FNDC3B: variants seen among roughly 807,000 people sequenced by gnomAD.
The protein encoded by FNDC3B is fibronectin type III domain-containing protein 3B.
Under a neutral mutation model 151.5 loss-of-function variants are expected in FNDC3B, and 12 were observed. The observed-to-expected ratio is 0.08, with a 90% CI of 0.05 to 0.13. FNDC3B has a LOEUF of 0.13. FNDC3B is among the 10% of genes least tolerant of loss of function. The probability of loss-of-function intolerance (pLI) is 1.00; values close to 1 mark genes in which losing one functional copy is unlikely to be tolerated. For synonymous variants in FNDC3B, 528 were observed against 549.0 expected (o/e 0.96, Z 0.54); for missense variants, 1,214 against 1,505.3 (o/e 0.81, Z 3.20).
At chr3:172,060,033 T>A (rs888936841) in intron 1 of FNDC3B, among the ~76,000 whole-genome samples, 10 of 152,236 alleles carry the variant, frequency 6.6e-5, no homozygotes, top group Non-Finnish European at 4.4e-5. Context: ...TTTAGCCAGG[T>A]AGTCACTTCC....
intron 8 of FNDC3B, among the ~76,000 whole-genome samples, chr3:172,297,721 T>A (rs573043234): frequency 1.1e-4 from 16 of 152,044 alleles, no homozygotes; most frequent in South Asian, 6.2e-4. Flanking sequence ...TGATCCGCCC[T>A]CCTTGGCCTC....
Position 172,361,887 on chromosome 3 carries a change from G to T in FNDC3B, c.2796-746G>T, listed in dbSNP as rs530480403. Among the ~76,000 whole-genome samples, 224 of 152,244 alleles carry T rather than the reference G, an allele frequency of 1.5e-3. 1 individual carries two copies. The highest frequency in any genetic ancestry group is 2.7e-3 in the South Asian group (13 of 4,822). ...GAGTCTCACTAGGTGGCCCAGCCTGGTCTCAAACTCCTGGACTCAGGCAAT... is the reference window on the plus strand; with the variant it reads ...GAGTCTCACTAGGTGGCCCAGCCTGTTCTCAAACTCCTGGACTCAGGCAAT... On this transcript the variant is annotated intron_variant, in intron 22 of 25. Coordinates refer to ENST00000415807, the MANE Select transcript of FNDC3B (RefSeq NM_022763.4).
chr3:172,215,940 A>G (rs1725953170), intron 3 of FNDC3B, among the ~76,000 whole-genome samples: 2 of 144,764 alleles, frequency 1.4e-5, no homozygotes, highest in Non-Finnish European at 3.0e-5. Context: ...AGAGGATACC[A>G]CTAGGAGTCA....
intron 16 of FNDC3B, 73 bp downstream of exon 16, chr3:172,337,474 T>C (rs770003786): frequency 1.1e-5 from 10 of 951,708 alleles, no homozygotes; most frequent in Non-Finnish European, 1.4e-5. Flanking sequence ...AATGTCTTTA[T>C]AGTAATAGTG....
chr3:172,316,382 G>T (rs1281215687), intron 11 of FNDC3B: 4 of 453,966 alleles, frequency 8.8e-6, no homozygotes, highest in Non-Finnish European at 1.3e-5. Context: ...AAGGATTGAG[G>T]ATATAGAGGG....
chr3:172,191,157 G>T (rs771352408), intron 3 of FNDC3B, among the ~76,000 whole-genome samples: 1 of 152,106 alleles, frequency 6.6e-6, no homozygotes, highest in Non-Finnish European at 1.5e-5. Flanking sequence ...TTTGCCCAAG[G>T]TTGCACAGCA....
intron 6 of FNDC3B, among the ~76,000 whole-genome samples, chr3:172,255,089 G>A (rs1241969883): frequency 2.0e-5 from 3 of 152,024 alleles, no homozygotes; most frequent in Admixed American, 6.6e-5. Flanking sequence ...TCTCAAAGTA[G>A]GCATCTCTCT....
chr3:172,169,781 T>C (rs984829312), intron 3 of FNDC3B, among the ~76,000 whole-genome samples: 4 of 152,242 alleles, frequency 2.6e-5, no homozygotes, highest in Admixed American at 6.5e-5. Context: ...AGTTACTTTG[T>C]TCCCCATTCC....
At chr3:172,353,180 A>G (rs547363400) in intron 22 of FNDC3B, 97 bp downstream of exon 22, 1 of 1,203,580 alleles carries the variant, frequency 8.3e-7, no homozygotes, top group African/African-American at 1.5e-5. Flanking sequence ...GTCATCTCCC[A>G]GCTGTTTCTA....
chr3:172,288,883 C>A (rs1172314788), intron 7 of FNDC3B, among the ~76,000 whole-genome samples: 1 of 152,162 alleles, frequency 6.6e-6, no homozygotes. Context: ...GTAAGTGTAT[C>A]CAGGTTGCCT....
At chr3:172,205,630 G>A (rs991636037) in intron 3 of FNDC3B, among the ~76,000 whole-genome samples, 2 of 152,170 alleles carry the variant, frequency 1.3e-5, no homozygotes, top group Non-Finnish European at 2.9e-5. Context: ...GAAGAAATCT[G>A]CATTCTCCTT....
intron 3 of FNDC3B, among the ~76,000 whole-genome samples, chr3:172,177,626 CTTTTT>C (rs10684671): frequency 7.1e-5 from 6 of 84,840 alleles, no homozygotes; most frequent in South Asian, 4.4e-4. Flanking sequence ...TTACCACCAT[CTTTTT>C]TTTTTTTTTT....
chr3:172,251,605 C>T, intron 6 of FNDC3B, 64 bp downstream of exon 6: 1 of 1,429,388 alleles, frequency 7.0e-7, no homozygotes. Flanking sequence ...AATGATGTTT[C>T]CACATCTTTT....
intron 1 of FNDC3B, among the ~76,000 whole-genome samples, chr3:172,044,423 G>A (rs1314195036): frequency 6.6e-6 from 1 of 151,602 alleles, no homozygotes. Context: ...CCATAGTTAT[G>A]GTACTGTCCT....
intron 1 of FNDC3B, among the ~76,000 whole-genome samples, chr3:172,060,892 A>G (rs986080444): frequency 2.6e-5 from 4 of 152,236 alleles, no homozygotes; most frequent in Non-Finnish European, 4.4e-5. Flanking sequence ...TGGAACTTTC[A>G]ATCAAGAGGA....
chr3:172,283,137 G>T (rs1475115466), intron 6 of FNDC3B, among the ~76,000 whole-genome samples: 1 of 152,224 alleles, frequency 6.6e-6, no homozygotes, highest in Non-Finnish European at 1.5e-5. Context: ...GAGAAGGCAA[G>T]TCCTGACCTC....
chr3:172,173,934 G>C (rs79302108), intron 3 of FNDC3B, among the ~76,000 whole-genome samples: 2,764 of 152,296 alleles, frequency 0.018, 87 homozygotes, highest in African/African-American at 0.064. Context: ...AACTCATTCA[G>C]TGTTGATGTA....
chr3:172,316,110 C>T (rs9817278), intron 11 of FNDC3B, among the ~76,000 whole-genome samples: 10,491 of 148,304 alleles, frequency 0.071, 1,286 homozygotes, highest in African/African-American at 0.24. Context: ...CAGGTTCAAG[C>T]GATTCCCCTG....
At chr3:172,391,961 C>T (rs1481448252) in intron 25 of FNDC3B, among the ~76,000 whole-genome samples, 1 of 150,332 alleles carries the variant, frequency 6.7e-6, no homozygotes, top group Non-Finnish European at 1.5e-5. Context: ...AAAGAACACT[C>T]ACAACTAAAA....
Sources: allele counts gnomAD v4.1 joint callset (sites outside exome capture counted in the v4.1 genomes callset), GRCh38; gene constraint gnomAD v4.1.1; transcripts MANE v1.5; gene names NCBI Gene and HGNC (gene_info 2026-07-23, HGNC 2026-07-21).